Variants in PCDHA5 observed in about 807,000 individuals in gnomAD.
PCDHA5 encodes protocadherin alpha-5.
In PCDHA5, 43 loss-of-function variants were observed where a neutral mutation model predicts 61.6. The observed-to-expected ratio is 0.70, with a 90% CI of 0.55 to 0.90. PCDHA5 has a LOEUF of 0.90. Ranked by LOEUF, PCDHA5 falls within the 40% of genes least tolerant of loss-of-function variation. The pLI, the probability that PCDHA5 is intolerant of heterozygous loss-of-function variation, is 0.00. For missense variants in PCDHA5, 1,298 were observed against 1,222.7 expected (o/e 1.06, Z -0.92); for synonymous variants, 627 against 543.9 (o/e 1.15, Z -2.13).
chr5:140,822,260 G>A lies in PCDHA5; in HGVS notation c.485G>A (p.Gly162Glu). 6.2e-7 allele frequency: 1 copy of A among 1,614,220 alleles called. No individual in the cohort carries two copies. Among genetic ancestry groups the A allele is most frequent in the Non-Finnish European group, 8.5e-7 (1 of 1,180,046 alleles). The change falls in exon 1 of 4, where the codon GGA becomes GAA. Residue 162 changes from glycine to glutamate, a missense_variant. Physicochemically the swap from Gly to Glu is moderately conservative, Grantham distance 98 (BLOSUM62 -2). Coordinates refer to ENST00000529859, the MANE Select transcript of PCDHA5 (RefSeq NM_018908.3). ...PLEGASDLDI[G>E]ANAQLRYRLN... is the part of the protein sequence containing the mutation. ...GAGGGCGCGTCGGATTTGGATATTG[G>A]AGCAAATGCACAATTGAGATACAGG...
intron 2 of PCDHA5, among the ~76,000 whole-genome samples, chr5:140,980,838 A>G (rs141603230): frequency 5.3e-5 from 8 of 152,320 alleles, no homozygotes; most frequent in African/African-American, 1.4e-4. Flanking sequence ...GTGAACCTAA[A>G]TAATACTAAT....
chr5:140,834,682 C>G, intron 1 of PCDHA5: 5 of 1,614,204 alleles, frequency 3.1e-6, no homozygotes, highest in Non-Finnish European at 4.2e-6. Context: ...GGGCGGAGCG[C>G]GGAGTGCAGC....
At chr5:140,967,206 G>A in intron 1 of PCDHA5, 2 of 1,613,644 alleles carry the variant, frequency 1.2e-6, no homozygotes, top group South Asian at 2.2e-5. Flanking sequence ...AACTCACCGC[G>A]TTTCCCGCGG....
rs1231627959 is a variant in PCDHA5 at position 140,822,791 on chromosome 5, T to C, written c.1016T>C (p.Leu339Pro). The C allele has an allele frequency of 6.2e-7, 1 of 1,614,078 alleles. No homozygotes were observed. Among genetic ancestry groups the C allele is most frequent in the East Asian group, 2.2e-5 (1 of 44,886 alleles). ...GGACACTGTAAAGTAGTAGTGAAAC[T>C]CCTGGATGTGAATGATAATACCCCA... ...LSGHCKVVVKLLDVNDNTPEM... is the reference protein window; with the variant it reads ...LSGHCKVVVKPLDVNDNTPEM... Residue 339 changes from leucine to proline, a missense_variant, in exon 1 of 4, where the codon CTC becomes CCC. Transcript: ENST00000529859.
intron 1 of PCDHA5, chr5:140,858,561 C>A: frequency 7.3e-7 from 1 of 1,370,342 alleles, no homozygotes; most frequent in South Asian, 1.3e-5. Context: ...TTGAATATTT[C>A]TAGTGATACC....
intron 1 of PCDHA5, chr5:140,847,350 T>A (rs1554141746): frequency 6.7e-6 from 1 of 149,796 alleles, no homozygotes; most frequent in Non-Finnish European, 1.5e-5. Context: ...TAGGCTGTTA[T>A]CAGTAGAAAT....
intron 1 of PCDHA5, among the ~76,000 whole-genome samples, chr5:140,970,594 T>C (rs975404675): frequency 6.6e-6 from 1 of 152,206 alleles, no homozygotes; most frequent in Admixed American, 6.5e-5. Flanking sequence ...ATATGCTTTG[T>C]GATACTTAAA....
intron 3 of PCDHA5, among the ~76,000 whole-genome samples, chr5:140,990,314 CCAAA>C (rs2097387288): frequency 6.6e-6 from 1 of 152,212 alleles, no homozygotes; most frequent in Non-Finnish European, 1.5e-5. Context: ...AAAAAACCAA[CCAAA>C]CAAACTTTAA....
At chr5:140,833,622 A>T (rs2150209848) in intron 1 of PCDHA5, among the ~76,000 whole-genome samples, 1 of 152,190 alleles carries the variant, frequency 6.6e-6, no homozygotes, top group East Asian at 1.9e-4. Context: ...AATTCAGAAT[A>T]CTTCCTCCTC....
At chr5:140,872,920 T>C (rs2153277088) in intron 1 of PCDHA5, among the ~76,000 whole-genome samples, 1 of 152,356 alleles carries the variant, frequency 6.6e-6, no homozygotes, top group South Asian at 2.1e-4. Flanking sequence ...TAATGCCTTA[T>C]CTCTAATGTT....
At chr5:140,837,960 C>T (rs1483663172) in intron 1 of PCDHA5, among the ~76,000 whole-genome samples, 2 of 151,794 alleles carry the variant, frequency 1.3e-5, no homozygotes, top group African/African-American at 2.4e-5. Context: ...ATTACAGACA[C>T]GAACAACCAC....
At chr5:140,971,244 A>G (rs1389573593) in intron 1 of PCDHA5, among the ~76,000 whole-genome samples, 6 of 152,174 alleles carry the variant, frequency 3.9e-5, no homozygotes, top group Non-Finnish European at 8.8e-5. Context: ...GGGCAATTTG[A>G]TACATAAACT....
rs552517946 is a variant in PCDHA5 at position 140,913,359 on chromosome 5, A to G, written c.2353-65590A>G. Reference sequence around the variant, plus strand: ...TTTATCCATTTCCTCTAGATTTTTAAATTTATTGGCATATAGTGGCTCATC... The same window carrying G: ...TTTATCCATTTCCTCTAGATTTTTAGATTTATTGGCATATAGTGGCTCATC... On this transcript the variant is annotated intron_variant, in intron 1 of 3. Coordinates refer to ENST00000529859, the MANE Select transcript of PCDHA5 (RefSeq NM_018908.3). Among the ~76,000 whole-genome samples, 4 of 152,082 alleles carry G rather than the reference A, an allele frequency of 2.6e-5. No homozygotes were observed. In the East Asian group the frequency reaches 7.7e-4, roughly 29 times the overall value.
chr5:140,830,035 G>A, intron 1 of PCDHA5: 1 of 1,613,880 alleles, frequency 6.2e-7, no homozygotes, highest in Non-Finnish European at 8.5e-7. Flanking sequence ...ACCGGCTGCT[G>A]GTGCTGGTGA....
chr5:140,915,665 G>A (rs1208319882), intron 1 of PCDHA5, among the ~76,000 whole-genome samples: 1 of 149,092 alleles, frequency 6.7e-6, no homozygotes, highest in African/African-American at 2.5e-5. Context: ...TCAAGGTGCT[G>A]GGCCATCTTG....
chr5:140,922,953 G>A (rs2081086867), intron 1 of PCDHA5, among the ~76,000 whole-genome samples: 1 of 152,168 alleles, frequency 6.6e-6, no homozygotes, highest in Non-Finnish European at 1.5e-5. Context: ...AATCCAGTTT[G>A]TCTTCAGCCA....
intron 3 of PCDHA5, among the ~76,000 whole-genome samples, chr5:140,999,039 T>C (rs1554256567): frequency 6.6e-6 from 1 of 152,214 alleles, no homozygotes; most frequent in Admixed American, 6.5e-5. Flanking sequence ...CTTCGTCCAG[T>C]GTGCTTTCCA....
At chr5:140,875,346 T>C in intron 1 of PCDHA5, 1 of 1,443,436 alleles carries the variant, frequency 6.9e-7, no homozygotes. Flanking sequence ...GACTCCATAA[T>C]GACTGTGATG....
At chr5:140,993,621 A>G (rs531527051) in intron 3 of PCDHA5, among the ~76,000 whole-genome samples, 7 of 152,190 alleles carry the variant, frequency 4.6e-5, no homozygotes, top group African/African-American at 1.7e-4. Flanking sequence ...GGGACCCTCT[A>G]TATATAGTCG....
Sources: gnomAD v4.1 joint callset for allele counts (sites outside exome capture counted in the v4.1 genomes callset) on GRCh38, gnomAD v4.1.1 for gene constraint, MANE v1.5 for transcripts, NCBI Gene and HGNC (gene_info 2026-07-23, HGNC 2026-07-21) for gene names.